NAA15: variants seen among roughly 807,000 people sequenced by gnomAD.
NAA15 encodes N-terminal acetyltransferase.
Under a neutral mutation model 114.0 loss-of-function variants are expected in NAA15, and 34 were observed. That is an observed-to-expected ratio of 0.30 (90% confidence interval 0.23 to 0.40). The LOEUF (loss-of-function observed/expected upper bound fraction) is 0.40. Ranked by LOEUF, NAA15 falls within the 10% of genes least tolerant of loss-of-function variation. NAA15 has a pLI of 1.00. For synonymous variants in NAA15, 340 were observed against 338.0 expected, an observed-to-expected ratio of 1.01 and a Z score of -0.06; for missense variants, 658 against 1,004.5, an observed-to-expected ratio of 0.66 and a Z score of 4.66.
chr4:139,385,442 A>G (rs575089986), intron 18 of NAA15, among the ~76,000 whole-genome samples: 4 of 151,780 alleles, frequency 2.6e-5, no homozygotes, highest in South Asian at 2.1e-4. Flanking sequence ...TTAAATGTAT[A>G]TCATAAAATG....
chr4:139,334,387 G>A (rs779948336), intron 2 of NAA15, 129 bp downstream of exon 2: 48 of 499,950 alleles, frequency 9.6e-5, no homozygotes, highest in Non-Finnish European at 7.5e-5. Context: ...CTGTGAGAAA[G>A]TGAAATTTAA....
chr4:139,390,661 C>T lies in NAA15; in HGVS notation c.*2577C>T, dbSNP rs1273422898. On this transcript the variant is annotated 3_prime_UTR_variant, in exon 20 of 20. Transcript: ENST00000296543. ...ATATTCAGCTACTCTTGTCATTTCT[C>T]GTTGAAAAACTAAAATCTGACTAGG... 1.3e-5 allele frequency: 2 copies of T among 152,562 alleles called. No individual in the cohort carries two copies. The highest frequency in any genetic ancestry group is 6.5e-5 in the Admixed American group (1 of 15,292). The allele number at this position is 152,562 out of a possible 1,614,324, so 9.5% of individuals were successfully genotyped here.
At chr4:139,342,125 C>G (rs183124367) in intron 4 of NAA15, among the ~76,000 whole-genome samples, 1 of 152,198 alleles carries the variant, frequency 6.6e-6, no homozygotes, top group Admixed American at 6.5e-5. Flanking sequence ...TTTAGTTCCT[C>G]TTTCATATTC....
At chr4:139,353,333 A>G (rs986080934) in intron 9 of NAA15, among the ~76,000 whole-genome samples, 10 of 152,244 alleles carry the variant, frequency 6.6e-5, no homozygotes, top group Admixed American at 2.6e-4. Flanking sequence ...AGTCCTCACA[A>G]TTTATTGAGG....
intron 1 of NAA15, among the ~76,000 whole-genome samples, chr4:139,329,151 A>T (rs1746911256): frequency 6.9e-6 from 1 of 144,534 alleles, no homozygotes; most frequent in Admixed American, 6.9e-5. Flanking sequence ...CAAAGTGCTG[A>T]GATTACAGGC....
intron 15 of NAA15, among the ~76,000 whole-genome samples, chr4:139,373,216 TG>T (rs1377655731): frequency 6.6e-6 from 1 of 152,080 alleles, no homozygotes; most frequent in Non-Finnish European, 1.5e-5. Context: ...CATCATAGGG[TG>T]TATGTACACA....
rs551501453 is a variant in NAA15 at position 139,354,048 on chromosome 4, T to C, written c.1037T>C (p.Val346Ala). ...KEKVAIIEEL[V>A]VGYETSLKSC... ...TAGGTGGCAATCATAGAAGAGTTAGTAGTAGGTTATGAAACCTCTCTAAAA... is the reference window on the plus strand; with the variant it reads ...TAGGTGGCAATCATAGAAGAGTTAGCAGTAGGTTATGAAACCTCTCTAAAA... Residue 346 changes from valine (V) to alanine (A), a missense_variant, in exon 10 of 20, where the codon GTA becomes GCA. This residue lies in a region of NAA15 where 281 missense variants were observed against 389.1 expected (regional missense o/e 0.72). Coordinates refer to ENST00000296543, the MANE Select transcript of NAA15 (RefSeq NM_057175.5). 1 of 1,613,714 alleles carries C rather than the reference T, an allele frequency of 6.2e-7. No homozygotes were observed. Among genetic ancestry groups the C allele is most frequent in the African/African-American group, 1.3e-5 (1 of 75,040 alleles).
intron 14 of NAA15, among the ~76,000 whole-genome samples, chr4:139,366,365 A>G (rs1457440035): frequency 6.6e-6 from 1 of 152,140 alleles, no homozygotes; most frequent in Non-Finnish European, 1.5e-5. Context: ...CATAGTTTCT[A>G]AAGTTTCTGA....
chr4:139,357,670 A>G (rs1748000330), intron 11 of NAA15, 115 bp downstream of exon 11: 4 of 690,778 alleles, frequency 5.8e-6, no homozygotes, highest in Non-Finnish European at 9.4e-6. Flanking sequence ...CTCAAAAAAC[A>G]TGAAGTAACA....
intron 17 of NAA15, among the ~76,000 whole-genome samples, chr4:139,379,756 C>A (rs1195766089): frequency 1.3e-5 from 2 of 152,162 alleles, no homozygotes; most frequent in Non-Finnish European, 2.9e-5. Flanking sequence ...TTGAGAACAT[C>A]ATTTTGGCTG....
rs549043742 is a variant in NAA15 at position 139,304,799 on chromosome 4, C to T, written c.54+2968C>T. Among the ~76,000 whole-genome samples, 55 of 152,238 alleles carry T rather than the reference C, an allele frequency of 3.6e-4. No individual in the cohort carries two copies. In the South Asian group the frequency reaches 0.011, roughly 32 times the overall value. On this transcript the variant is annotated intron_variant, in intron 1 of 19. Coordinates refer to ENST00000296543, the MANE Select transcript of NAA15 (RefSeq NM_057175.5). ...CAAGTTCCTTCAGTCCAAAGTACCC[C>T]CCTCTGTTGCCCTTTTAGAACCACA...
rs1244195810 is a variant in NAA15, at chr4:139,360,483, A to G, written c.1411-17A>G. On this transcript the variant is annotated splice_polypyrimidine_tract_variant and intron_variant, in intron 12 of 19. Coordinates refer to ENST00000296543, the MANE Select transcript of NAA15 (RefSeq NM_057175.5). ...TATGATAAAAAGTGATCTTGAAAAT[A>G]TTTGATTTCTGTATAGGAAGGAACA... 4.6e-6 allele frequency: 7 copies of G among 1,512,386 alleles called. No individual in the cohort carries two copies. In the African/African-American group the frequency reaches 1.0e-4, roughly 22 times the overall value. 93.7% of individuals were successfully genotyped at this position (1,512,386 alleles called of 1,614,324 possible). A position where few individuals can be genotyped will look rare whatever the true frequency, so the allele number is the denominator to read the frequency against.
chr4:139,364,566 C>T (rs1748224932), intron 14 of NAA15, among the ~76,000 whole-genome samples: 1 of 152,066 alleles, frequency 6.6e-6, no homozygotes, highest in Non-Finnish European at 1.5e-5. Context: ...CTACCTTTAT[C>T]ATGATAAATT....
In NAA15 at chr4:139,357,493, A is replaced by G; in HGVS notation, c.1195A>G (p.Thr399Ala). The change falls in exon 11 of 20, where the codon ACT becomes GCT. Residue 399 changes from threonine to alanine, a missense_variant. By Grantham distance (58) the Thr-to-Ala change is moderately conservative. This residue lies in a region of NAA15 where 281 missense variants were observed against 389.1 expected (regional missense o/e 0.72). Transcript: ENST00000296543. ...QPSIALEYIN[T>A]AIESTPTLIE... is the part of the protein sequence containing the mutation. ...ATCTATTGCTTTGGAGTACATAAAT[A>G]CTGCTATTGAAAGTACACCTACATT... is the stretch of plus-strand genomic sequence containing the variant. The G allele has an allele frequency of 1.9e-6, 3 of 1,612,582 alleles. No individual in the cohort carries two copies. Among genetic ancestry groups the G allele is most frequent in the Non-Finnish European group, 1.7e-6 (2 of 1,178,656 alleles).
At chr4:139,325,316 T>A (rs1475707152) in intron 1 of NAA15, among the ~76,000 whole-genome samples, 1 of 152,188 alleles carries the variant, frequency 6.6e-6, no homozygotes, top group East Asian at 1.9e-4. Context: ...CCTTTAACAT[T>A]TAATAAAATT....
chr4:139,378,811 T>C lies in NAA15; in HGVS notation c.2112T>C (p.Ser704=), dbSNP rs1432074368. The change falls in exon 17 of 20, where the codon AGT becomes AGC. Residue 704 remains serine, a synonymous_variant. Transcript: ENST00000296543. ...SVKRAFAIDS[S]HPWLHECMIR... Reference sequence around the variant, plus strand: ...AGAGGGCATTTGCTATTGATTCTAGTCATCCCTGGCTTCATGAGTGTATGA... The same window carrying C: ...AGAGGGCATTTGCTATTGATTCTAGCCATCCCTGGCTTCATGAGTGTATGA... 9 of 1,555,822 alleles carry C rather than the reference T, an allele frequency of 5.8e-6. No individual in the cohort carries two copies. In the African/African-American group the frequency reaches 8.6e-5, roughly 15 times the overall value.
intron 14 of NAA15, 39 bp downstream of exon 14, chr4:139,361,976 T>C (rs1748146923): frequency 1.5e-6 from 2 of 1,328,734 alleles, no homozygotes; most frequent in South Asian, 1.3e-5. Flanking sequence ...CTGATGTGTT[T>C]ATGTGTATTT....
At chr4:139,349,985 C>CAAA (rs34905298) in intron 7 of NAA15, among the ~76,000 whole-genome samples, 1 of 146,502 alleles carries the variant, frequency 6.8e-6, no homozygotes. Context: ...GACTGTGTCT[C>CAAA]AAAAAAAAAA....
In NAA15 at chr4:139,387,773, A is replaced by G. The variant is rs1748947848; in HGVS notation, c.2401-111A>G. 3.7e-6 allele frequency: 3 copies of G among 809,560 alleles called. No homozygotes were observed. The Admixed American group carries it at 7.2e-5, about 19-fold the overall frequency. The allele number at this position is 809,560 out of a possible 1,614,324, so 50.1% of individuals were successfully genotyped here. On this transcript the variant is annotated intron_variant, in intron 19 of 19. Coordinates refer to ENST00000296543, the MANE Select transcript of NAA15 (RefSeq NM_057175.5). ...CATATGCAGGAGTAAATAGCTAAAT[A>G]TGTGTATTTATTTCTTATTTTAGAA...
Sources: gnomAD v4.1 joint callset for allele counts (sites outside exome capture counted in the v4.1 genomes callset) on GRCh38, gnomAD v4.1.1 for gene constraint, gnomAD v4.1.1 regional missense constraint, MANE v1.5 for transcripts, NCBI Gene and HGNC (gene_info 2026-07-23, HGNC 2026-07-21) for gene names.